The following MICALL1 variants were observed in gnomAD, a reference collection of about 807,000 sequenced individuals.
The protein encoded by MICALL1 is MICAL like 1, also known as MICAL-like protein 1.
Under a neutral mutation model 83.7 loss-of-function variants are expected in MICALL1, and 61 were observed. That is an observed-to-expected ratio of 0.73 (90% CI 0.59 to 0.90). MICALL1 has a LOEUF of 0.90. Ranked by LOEUF, MICALL1 falls within the 40% of genes least tolerant of loss-of-function variation. The pLI is 0.00. For missense variants in MICALL1, 1,066 were observed against 1,152.0 expected (o/e 0.93, Z 1.08); for synonymous variants, 481 against 473.6 (o/e 1.02, Z -0.20).
At chr22:37,910,048 A>G (rs1186799579) in intron 1 of MICALL1, among the ~76,000 whole-genome samples, 2 of 152,142 alleles carry the variant, frequency 1.3e-5, no homozygotes, top group African/African-American at 4.8e-5. Flanking sequence ...GAGGGCGTGG[A>G]CCATGTGGGT....
At position 37,927,582 on chromosome 22, in the gene MICALL1, G is replaced by A. The variant is rs1192986548; in HGVS notation, c.1637G>A (p.Gly546Asp). The change falls in exon 9 of 16, where the codon GGT becomes GAT. Residue 546 changes from glycine (G) to aspartate (D), a missense_variant. Gly to Asp is a moderately conservative substitution (Grantham distance 94). Transcript: ENST00000215957. ...SSSEPAVHAP[G>D]TPGNPVSLST... ...TCAGAGCCTGCTGTCCATGCCCCTG[G>A]TACCCCTGGAAACCCTGTCAGCCTC... 1.2e-6 allele frequency: 2 copies of A among 1,613,436 alleles called. No homozygotes were observed. The highest frequency in any genetic ancestry group is 1.7e-6 in the Non-Finnish European group (2 of 1,179,402).
At chr22:37,910,037 T>C (rs750780294) in intron 1 of MICALL1, among the ~76,000 whole-genome samples, 28 of 152,196 alleles carry the variant, frequency 1.8e-4, no homozygotes, top group Admixed American at 1.7e-3. Context: ...TAAGCTCCTT[T>C]GAGGGCGTGG....
intron 9 of MICALL1, among the ~76,000 whole-genome samples, chr22:37,928,059 A>G (rs1929580289): frequency 1.3e-5 from 2 of 151,230 alleles, no homozygotes; most frequent in South Asian, 4.2e-4. Flanking sequence ...GGCGCCCACC[A>G]CCACGCCCGG....
At chr22:37,936,551 G>C (rs543427014) in intron 13 of MICALL1, among the ~76,000 whole-genome samples, 47 of 152,356 alleles carry the variant, frequency 3.1e-4, no homozygotes, top group African/African-American at 1.1e-3. Flanking sequence ...TTGGTAGGCA[G>C]CCTGGTGTCC....
chr22:37,935,498 A>G (rs1168930741), intron 13 of MICALL1, among the ~76,000 whole-genome samples: 1 of 150,588 alleles, frequency 6.6e-6, no homozygotes, highest in Non-Finnish European at 1.5e-5. Flanking sequence ...TGACCTCGTG[A>G]TCCGCCCACC....
chr22:37,906,661 C>T lies in MICALL1; in HGVS notation c.146+93C>T. On this transcript the variant is annotated intron_variant, in intron 1 of 15. Coordinates refer to ENST00000215957, the MANE Select transcript of MICALL1 (RefSeq NM_033386.4). The surrounding 1 kb of genome is among the most constrained non-coding windows in gnomAD (Gnocchi z 4.4). Reference sequence around the variant, plus strand: ...CAGTAACACGAAGCCCGGGCGGTGACAGGCGCCGCCCCCGGACACGGAGAC... The same window carrying T: ...CAGTAACACGAAGCCCGGGCGGTGATAGGCGCCGCCCCCGGACACGGAGAC... The T allele has an allele frequency of 9.2e-7, 1 of 1,083,672 alleles. No individual in the cohort carries two copies. Among genetic ancestry groups the T allele is most frequent in the Non-Finnish European group, 1.1e-6 (1 of 883,314 alleles). 67.1% of individuals were successfully genotyped at this position (1,083,672 alleles called of 1,614,324 possible). A position where few individuals can be genotyped will look rare whatever the true frequency, so the allele number is the denominator to read the frequency against.
chr22:37,918,924 G>A, intron 4 of MICALL1, 112 bp from the exon 5 acceptor site: 1 of 1,301,510 alleles, frequency 7.7e-7, no homozygotes, highest in East Asian at 2.9e-5. Context: ...CACGAAGCCT[G>A]GTGCACACTT....
rs1164065463 is a variant in MICALL1 at position 37,940,742 on chromosome 22, A to T, written c.2504A>T (p.Lys835Met). 6.2e-7 allele frequency: 1 copy of T among 1,614,068 alleles called. No homozygotes were observed. Among genetic ancestry groups the T allele is most frequent in the Admixed American group, 1.7e-5 (1 of 60,004 alleles). The change falls in exon 16 of 16, where the codon AAG (lysine) becomes ATG (methionine). Residue 835 changes from lysine to methionine, a missense_variant. By Grantham distance (95) the Lys-to-Met change is moderately conservative. Coordinates refer to ENST00000215957, the MANE Select transcript of MICALL1 (RefSeq NM_033386.4). Reference sequence around the variant, plus strand: ...AGGGAGGCTGAACCTGAGGGCAAGAAGAAGGGGAAGTTCAAGACCATGAAG... The same window carrying T: ...AGGGAGGCTGAACCTGAGGGCAAGATGAAGGGGAAGTTCAAGACCATGAAG... ...FQREAEPEGK[K>M]KGKFKTMKML...
intron 12 of MICALL1, 34 bp from the exon 13 acceptor site, chr22:37,933,005 G>A (rs1005862616): frequency 6.2e-6 from 10 of 1,613,910 alleles, no homozygotes; most frequent in Non-Finnish European, 8.5e-6. Context: ...GGCTCGGGCA[G>A]AATTGTTAAG....
chr22:37,907,851 C>T (rs1230518251), intron 1 of MICALL1, among the ~76,000 whole-genome samples: 3 of 152,208 alleles, frequency 2.0e-5, no homozygotes, highest in Admixed American at 6.5e-5. Flanking sequence ...GGGCATGTGA[C>T]ACCCATACTA....
rs200235908 is a variant in MICALL1 at position 37,940,706 on chromosome 22, C to T, written c.2471-3C>T. 219 of 1,613,684 alleles carry T rather than the reference C, an allele frequency of 1.4e-4. No individual in the cohort carries two copies. The African/African-American group carries it at 2.7e-3, about 20-fold the overall frequency. The stretch of plus-strand genomic sequence containing the variant: ...ATTAAGTGCTCCCCTCTCTGTGCTG[C>T]AGAGTTCCAGAGGGAGGCTGAACCT... On this transcript the variant is annotated splice_region_variant and splice_polypyrimidine_tract_variant and intron_variant, in intron 15 of 15. Transcript: ENST00000215957.
chr22:37,932,709 G>T lies in MICALL1; in HGVS notation c.2143+30G>T, dbSNP rs1170871769. The T allele has an allele frequency of 6.2e-7, 1 of 1,612,292 alleles. No homozygotes were observed. Among genetic ancestry groups the T allele is most frequent in the Non-Finnish European group, 8.5e-7 (1 of 1,179,358 alleles). On this transcript the variant is annotated intron_variant, in intron 11 of 15. Transcript: ENST00000215957. This position sits in a 1 kb window ranked among gnomAD's most constrained non-coding sequence, Gnocchi z 4.4. ...GGGAGCGGCTGGGAGGGCCTGCTGG[G>T]TGGGGCTGGGGGCAGGAGCCTCTAT...
Position 37,927,620 on chromosome 22 carries a change from T to G in MICALL1, c.1675T>G (p.Ser559Ala). 6.2e-7 allele frequency: 1 copy of G among 1,613,934 alleles called. No homozygotes were observed. Among genetic ancestry groups the G allele is most frequent in the South Asian group, 1.1e-5 (1 of 91,082 alleles). The change falls in exon 9 of 16, where the codon TCC (serine) becomes GCC (alanine). Residue 559 changes from serine (S) to alanine (A), a missense_variant. Ser to Ala is a moderately conservative substitution (Grantham distance 99). Coordinates refer to ENST00000215957, the MANE Select transcript of MICALL1 (RefSeq NM_033386.4). ...CCCTGTCAGCCTCTCTACCAACTCC[T>G]CCCTGGCCTCCTCTGGGGAACTAGT... ...GNPVSLSTNSSLASSGELVEP... is the reference protein window; with the variant it reads ...GNPVSLSTNSALASSGELVEP...
chr22:37,931,736 G>A, intron 9 of MICALL1, 63 bp from the exon 10 acceptor site: 1 of 1,591,964 alleles, frequency 6.3e-7, no homozygotes, highest in South Asian at 1.1e-5. Flanking sequence ...CAAATATGAG[G>A]CTGCTGGGGT....
At chr22:37,921,844 T>C (rs980227030) in intron 5 of MICALL1, 128 bp from the exon 6 acceptor site, 4 of 790,294 alleles carry the variant, frequency 5.1e-6, no homozygotes, top group East Asian at 5.2e-5. Context: ...GTCTAGGGTA[T>C]GGAGTCGAGC....
chr22:37,928,918 T>A (rs1929640159), intron 9 of MICALL1, among the ~76,000 whole-genome samples: 1 of 151,810 alleles, frequency 6.6e-6, no homozygotes. Context: ...AGGATAGGAG[T>A]TTGAGACCAG....
At chr22:37,922,559 C>A in intron 6 of MICALL1, 133 bp downstream of exon 6, 1 of 386,380 alleles carries the variant, frequency 2.6e-6, no homozygotes, top group Non-Finnish European at 4.4e-6. Flanking sequence ...TTGGGGCCTG[C>A]CTGTGTTTTT....
chr22:37,914,167 C>T (rs574629177), intron 3 of MICALL1, among the ~76,000 whole-genome samples: 70 of 150,892 alleles, frequency 4.6e-4, no homozygotes, highest in African/African-American at 1.2e-3. Context: ...TGAGCCACTG[C>T]GCCCGGCCCT....
In MICALL1 at chr22:37,932,576, T is replaced by C; in HGVS notation, c.2040T>C (p.Pro680=). 1 of 1,614,120 alleles carries C rather than the reference T, an allele frequency of 6.2e-7. No individual in the cohort carries two copies. The highest frequency in any genetic ancestry group is 8.5e-7 in the Non-Finnish European group (1 of 1,180,008). ...KRKVQADQYI[P]EEDIHGEMDT... ...AGGTCCAGGCTGACCAGTACATCCCTGAGGAGGACATCCATGGAGAGATGG... is the reference window on the plus strand; with the variant it reads ...AGGTCCAGGCTGACCAGTACATCCCCGAGGAGGACATCCATGGAGAGATGG... The change falls in exon 11 of 16, where the codon CCT becomes CCC. Residue 680 remains proline, a synonymous_variant. Coordinates refer to ENST00000215957, the MANE Select transcript of MICALL1 (RefSeq NM_033386.4). The surrounding 1 kb of genome is among the most constrained non-coding windows in gnomAD (Gnocchi z 4.4).
Sources: gnomAD v4.1 joint callset for allele counts (sites outside exome capture counted in the v4.1 genomes callset) on GRCh38, gnomAD v4.1.1 for gene constraint, Gnocchi (gnomAD v3.1) non-coding constraint, MANE v1.5 for transcripts, NCBI Gene and HGNC (gene_info 2026-07-23, HGNC 2026-07-21) for gene names.